AFF3: variants seen among roughly 807,000 people sequenced by gnomAD.
The protein encoded by AFF3 is AF4/FMR2 family member 3.
A neutral mutation model predicts 129.7 loss-of-function variants in AFF3; 32 were observed. The observed-to-expected ratio is 0.25, with a 90% CI of 0.19 to 0.33. The LOEUF is 0.33. Ranked by LOEUF, AFF3 falls within the 10% of genes least tolerant of loss-of-function variation. The pLI is 1.00. For synonymous variants in AFF3, 644 were observed against 635.4 expected (o/e 1.01, Z -0.20); for missense variants, 1,373 against 1,592.0 (o/e 0.86, Z 2.34).
In AFF3 at chr2:99,593,495, A is replaced by C; in HGVS notation, c.2166T>G (p.Pro722=). The change falls in exon 15 of 25, where the codon CCT becomes CCG. Residue 722 remains proline (P), a synonymous_variant. Coordinates refer to ENST00000672756, the MANE Select transcript of AFF3 (RefSeq NM_001386135.1). Reference sequence around the variant, plus strand: ...TGGTCCTGGCGTTGATGGAGCCTACAGGGGCCCTAGGACCACTGCCCCCGT... The same window carrying C: ...TGGTCCTGGCGTTGATGGAGCCTACCGGGGCCCTAGGACCACTGCCCCCGT... The part of the protein sequence containing the change: ...AANGGSGPRA[P]VGSINARTTS... 1 of 1,613,582 alleles carries C rather than the reference A, an allele frequency of 6.2e-7. No homozygotes were observed. Among genetic ancestry groups the C allele is most frequent in the Middle Eastern group, 1.7e-4 (1 of 6,060 alleles).
At chr2:99,650,796 A>ATGCGTGTGTGTGTGTGTGTGTG (rs1553417669) in intron 12 of AFF3, among the ~76,000 whole-genome samples, 1 of 144,756 alleles carries the variant, frequency 6.9e-6, no homozygotes, top group Non-Finnish European at 1.5e-5. Context: ...ACTAAAATTA[A>ATGCGTGTGTGTGTGTGTGTGTG]TGTGTGTGTG....
At chr2:99,976,147 T>C (rs1678868575) in intron 7 of AFF3, among the ~76,000 whole-genome samples, 1 of 152,192 alleles carries the variant, frequency 6.6e-6, no homozygotes, top group Non-Finnish European at 1.5e-5. Flanking sequence ...CTGGTGGGAA[T>C]ACTTCAGAAA....
intron 4 of AFF3, among the ~76,000 whole-genome samples, chr2:100,104,187 G>T (rs934339401): frequency 1.2e-4 from 18 of 152,056 alleles, no homozygotes; most frequent in Admixed American, 3.3e-4. Flanking sequence ...GCCGCCGCGA[G>T]GGAGGGGAAC....
Position 99,593,729 on chromosome 2 carries a change from G to A in AFF3, c.1932C>T (p.Ser644=), listed in dbSNP as rs2104975315. 2 of 1,612,682 alleles carry A rather than the reference G, an allele frequency of 1.2e-6. No homozygotes were observed. Among genetic ancestry groups the A allele is most frequent in the Non-Finnish European group, 1.7e-6 (2 of 1,179,554 alleles). ...GCGTGCGGCGCTTCTCGCAGGTCAC[G>A]GAGGAGCGCAGCTCCTTGCGGTGGC... is the stretch of plus-strand genomic sequence containing the variant. ...RASHRKELRS[S]VTCEKRRTRG... is the part of the protein sequence containing the mutation. The change falls in exon 15 of 25, where the codon TCC becomes TCT. Residue 644 remains serine (S), a synonymous_variant. Transcript: ENST00000672756.
At position 99,756,595 on chromosome 2, in the gene AFF3, T is replaced by C. The variant is rs900118425; in HGVS notation, c.922-4294A>G. Among the ~76,000 whole-genome samples, 6 of 152,324 alleles carry C rather than the reference T, an allele frequency of 3.9e-5. No homozygotes were observed. The South Asian group carries it at 1.0e-3, about 26-fold the overall frequency. ...CAGTTCCATCAGTATCTCACTGGTA[T>C]TGGTTTAACATCAATCTTTCCTTCT... is the stretch of plus-strand genomic sequence containing the variant. On this transcript the variant is annotated intron_variant, in intron 8 of 24. Coordinates refer to ENST00000672756, the MANE Select transcript of AFF3 (RefSeq NM_001386135.1).
chr2:99,742,562 C>G lies in AFF3; in HGVS notation c.1039+1542G>C, dbSNP rs149628970. Among the ~76,000 whole-genome samples, 30 of 152,270 alleles carry G rather than the reference C, an allele frequency of 2.0e-4. 1 individual carries two copies. The highest frequency in any genetic ancestry group is 1.7e-3 in the South Asian group (8 of 4,826). On this transcript the variant is annotated intron_variant, in intron 10 of 24. Transcript: ENST00000672756. ...TGCCGGGTGCACACAGAAATCACAG[C>G]AGACAGTCCTTGGACAATAATTCAA... is the stretch of plus-strand genomic sequence containing the variant.
rs145341599 is a variant in AFF3 at position 99,591,578 on chromosome 2, G to A, written c.2466+1617C>T. On this transcript the variant is annotated intron_variant, in intron 15 of 24. Transcript: ENST00000672756. ...AGGAGACTGAGTGCCTTCTCCATGC[G>A]CACTTACAAAGCAAGAAATATATTC... Among the ~76,000 whole-genome samples, 480 of 152,252 alleles carry A rather than the reference G, an allele frequency of 3.2e-3. 2 individuals carry two copies. Among genetic ancestry groups the A allele is most frequent in the Non-Finnish European group, 5.4e-3 (368 of 68,022 alleles).
intron 11 of AFF3, among the ~76,000 whole-genome samples, chr2:99,701,754 C>T (rs1325481438): frequency 6.6e-6 from 1 of 152,208 alleles, no homozygotes; most frequent in Admixed American, 6.5e-5. Context: ...AACAGTCTAC[C>T]ACAATCAAAG....
chr2:99,819,041 A>G (rs1196281457), intron 8 of AFF3, among the ~76,000 whole-genome samples: 1 of 152,234 alleles, frequency 6.6e-6, no homozygotes, highest in Non-Finnish European at 1.5e-5. Context: ...TGTAGTATGC[A>G]TTTATTATGT....
chr2:99,655,505 C>G (rs1685669121), intron 12 of AFF3, among the ~76,000 whole-genome samples: 1 of 152,124 alleles, frequency 6.6e-6, no homozygotes, highest in Admixed American at 6.6e-5. Context: ...TGGCCTAGAT[C>G]CTGGCTCAGC....
At chr2:99,940,096 T>C (rs560249276) in intron 7 of AFF3, among the ~76,000 whole-genome samples, 3 of 152,354 alleles carry the variant, frequency 2.0e-5, no homozygotes, top group African/African-American at 7.2e-5. Flanking sequence ...TGCCCCATGC[T>C]ATAATCCGAA....
In AFF3 at chr2:99,601,299, C is replaced by T. The variant is rs1171220782; in HGVS notation, c.1371+136G>A. On this transcript the variant is annotated intron_variant, in intron 14 of 24. Coordinates refer to ENST00000672756, the MANE Select transcript of AFF3 (RefSeq NM_001386135.1). Reference sequence around the variant, plus strand: ...TGTGGAGCCCGAAGCCCATAGCCTCCTCCTTCCCAGCACCTGGCTTGGGGT... The same window carrying T: ...TGTGGAGCCCGAAGCCCATAGCCTCTTCCTTCCCAGCACCTGGCTTGGGGT... The T allele has an allele frequency of 1.0e-5, 11 of 1,093,692 alleles. No individual in the cohort carries two copies. The Admixed American group carries it at 4.0e-4, about 39-fold the overall frequency. 67.7% of individuals were successfully genotyped at this position (1,093,692 alleles called of 1,614,324 possible).
At chr2:99,682,742 C>T (rs973847169) in intron 11 of AFF3, among the ~76,000 whole-genome samples, 12 of 152,084 alleles carry the variant, frequency 7.9e-5, no homozygotes, top group Admixed American at 3.3e-4. Flanking sequence ...GAATCCCTGC[C>T]GATAGGGTTT....
chr2:99,805,813 TAC>T (rs3072357), intron 8 of AFF3, among the ~76,000 whole-genome samples: 13,774 of 142,806 alleles, frequency 0.096, 1,852 homozygotes, highest in African/African-American at 0.3. Flanking sequence ...GCAGGAGTCT[TAC>T]ACACACACAC....
chr2:99,641,056 C>T (rs1460732949), intron 13 of AFF3, among the ~76,000 whole-genome samples: 3 of 152,196 alleles, frequency 2.0e-5, no homozygotes, highest in Non-Finnish European at 4.4e-5. Flanking sequence ...CCCTGTCCAC[C>T]CTGCAGCCTG....
chr2:100,080,463 A>C (rs1688960849), intron 4 of AFF3, among the ~76,000 whole-genome samples: 1 of 151,958 alleles, frequency 6.6e-6, no homozygotes, highest in African/African-American at 2.4e-5. Context: ...ACAAACAAAA[A>C]CTCTATGCAG....
chr2:99,696,540 G>A (rs1213109746), intron 11 of AFF3, among the ~76,000 whole-genome samples: 2 of 152,190 alleles, frequency 1.3e-5, no homozygotes, highest in Non-Finnish European at 2.9e-5. Context: ...CACTTGTATT[G>A]CTCTTTCTTC....
At chr2:100,104,627 TCCGGGCCGG>T (rs1691079954) in intron 3 of AFF3, 109 bp from the exon 4 acceptor site, 1 of 415,436 alleles carries the variant, frequency 2.4e-6, no homozygotes, top group African/African-American at 5.2e-5. Context: ...CGCCCCCGAC[TCCGGGCCGG>T]CCGGGCTGGC....
At chr2:99,990,378 G>A (rs979806575) in intron 7 of AFF3, among the ~76,000 whole-genome samples, 30 of 152,102 alleles carry the variant, frequency 2.0e-4, no homozygotes, top group African/African-American at 7.2e-4. Context: ...TGTGAACAGA[G>A]TGAACACGAT....
Sources: gnomAD v4.1 joint callset for allele counts (sites outside exome capture counted in the v4.1 genomes callset) on GRCh38, gnomAD v4.1.1 for gene constraint, MANE v1.5 for transcripts, NCBI Gene and HGNC (gene_info 2026-07-23, HGNC 2026-07-21) for gene names.